KIF7: variants seen among roughly 807,000 people sequenced by gnomAD.
KIF7 encodes kinesin family member 7, also known as kinesin-like protein KIF7.
A neutral mutation model predicts 135.7 loss-of-function variants in KIF7; 104 were observed. The ratio of observed to expected loss-of-function variants is 0.77; its 90% CI spans 0.65 to 0.90. The LOEUF (loss-of-function observed/expected upper bound fraction) is 0.90. Ranked by LOEUF, KIF7 falls within the 40% of genes least tolerant of loss-of-function variation. KIF7 has a pLI of 0.00. For missense variants in KIF7, 2,005 were observed against 1,839.1 expected, an observed-to-expected ratio of 1.09 and a Z score of -1.65; for synonymous variants, 883 against 809.4, an observed-to-expected ratio of 1.09 and a Z score of -1.54.
At position 89,633,149 on chromosome 15, in the gene KIF7, G is replaced by A. The variant is rs1392418047; in HGVS notation, c.2710C>T (p.Gln904Ter). 1.2e-6 allele frequency: 2 copies of A among 1,603,196 alleles called. No individual in the cohort carries two copies. The highest frequency in any genetic ancestry group is 2.2e-5 in the East Asian group (1 of 44,864). ...GSNGSVVSLE[Q>*]QQKIEEQKKW... ...ACACAGCCTGGCCCCACCTGCTGCTGTTCCAGGCTGACCACAGAGCCGTTG... is the reference window on the plus strand; with the variant it reads ...ACACAGCCTGGCCCCACCTGCTGCTATTCCAGGCTGACCACAGAGCCGTTG... The change falls in exon 13 of 19, where the codon CAG (glutamine) becomes TAG (stop). Residue 904 changes from glutamine (Q) to a stop codon, truncating the protein, a stop_gained. Transcript: ENST00000394412. LOFTEE classifies it high-confidence loss of function.
chr15:89,628,679 C>A lies in KIF7; in HGVS notation c.3772G>T (p.Ala1258Ser), dbSNP rs1567056640. The change falls in exon 19 of 19, where the codon GCC becomes TCC. Residue 1258 changes from alanine to serine, a missense_variant. Transcript: ENST00000394412. The stretch of plus-strand genomic sequence containing the variant: ...CGCGTCTCCTCCCGGGTGCGGGGGG[C>A]CCCCTCAGTGAGGGGGGACAGCCAG... ...LLWLSPLTEG[A>S]PRTREETRDL... is the part of the protein sequence containing the mutation. The A allele has an allele frequency of 3.7e-6, 6 of 1,612,826 alleles. No individual in the cohort carries two copies. Among genetic ancestry groups the A allele is most frequent in the Non-Finnish European group, 5.1e-6 (6 of 1,179,818 alleles).
Position 89,631,688 on chromosome 15 carries a change from C to A in KIF7, c.2918G>T (p.Arg973Leu). 1 of 1,555,644 alleles carries A rather than the reference C, an allele frequency of 6.4e-7. No individual in the cohort carries two copies. The highest frequency in any genetic ancestry group is 8.7e-7 in the Non-Finnish European group (1 of 1,148,538). Reference protein sequence around the residue: ...SSQALNEDIVRVSSRLEHLEK... With the variant: ...SSQALNEDIVLVSSRLEHLEK... ...CAGGTGCTCCAGCCGGCTGGACACT[C>A]GCACGATGTCCTCGTTGAGGGCCTG... The change falls in exon 15 of 19, where the codon CGA becomes CTA. Residue 973 changes from arginine to leucine, a missense_variant. By Grantham distance (102) the Arg-to-Leu change is moderately radical. Coordinates refer to ENST00000394412, the MANE Select transcript of KIF7 (RefSeq NM_198525.3).
downstream of KIF7, chr15:89,625,806 C>A (rs760747262): frequency 5.7e-6 from 9 of 1,581,510 alleles, no homozygotes; most frequent in Admixed American, 1.6e-4. Flanking sequence ...TTTTTGAAAC[C>A]CAGTTTCCTC....
At chr15:89,640,940 T>C (rs1057063675) in intron 11 of KIF7, among the ~76,000 whole-genome samples, 1 of 150,224 alleles carries the variant, frequency 6.7e-6, no homozygotes, top group South Asian at 2.1e-4. Context: ...GAGGCGGAGG[T>C]TGCAGTAAGC....
chr15:89,631,968 A>C (rs1192964737), intron 14 of KIF7, among the ~76,000 whole-genome samples: 1 of 152,178 alleles, frequency 6.6e-6, no homozygotes, highest in Non-Finnish European at 1.5e-5. Context: ...CCCTCCTGGC[A>C]AGAACAGGCA....
intron 2 of KIF7, 184 bp from the exon 3 acceptor site, chr15:89,650,125 A>G: frequency 1.6e-6 from 1 of 619,860 alleles, no homozygotes; most frequent in South Asian, 1.9e-5. Context: ...GGTCAGGCAG[A>G]ATTATAAAAT....
rs1964149388 is a variant in KIF7 at position 89,653,007 on chromosome 15, G to T, written c.-24-53C>A. 2.2e-6 allele frequency: 3 copies of T among 1,352,208 alleles called. No individual in the cohort carries two copies. In the African/African-American group the frequency reaches 4.4e-5, roughly 20 times the overall value. The allele number at this position is 1,352,208 out of a possible 1,614,324, so 83.8% of individuals were successfully genotyped here. On this transcript the variant is annotated intron_variant, in intron 1 of 18. Coordinates refer to ENST00000394412, the MANE Select transcript of KIF7 (RefSeq NM_198525.3). ...ATCAGCACTTGTACTCCAGGAGCTG[G>T]ACTCACCCTGCAGGGGACTCGAGCC...
chr15:89,630,693 C>T (rs1963655454), intron 15 of KIF7, 200 bp from the exon 16 acceptor site: 2 of 623,840 alleles, frequency 3.2e-6, no homozygotes, highest in Non-Finnish European at 5.7e-6. Context: ...GGGCACTGCT[C>T]AGAGGTGGCC....
At chr15:89,656,820 CTGT>C (rs1478116800), upstream of KIF7, among the ~76,000 whole-genome samples, 4 of 152,194 alleles carry the variant, frequency 2.6e-5, no homozygotes, top group Non-Finnish European at 5.9e-5. Context: ...TAGAATGACA[CTGT>C]TGTTCCCAAA....
downstream of KIF7, among the ~76,000 whole-genome samples, chr15:89,626,246 G>T (rs188685599): frequency 1.6e-3 from 244 of 152,316 alleles, 1 homozygote; most frequent in African/African-American, 5.6e-3. Context: ...GTGTGCATGT[G>T]AACAGAAGCC....
rs933513393 is a variant in KIF7 at position 89,630,734 on chromosome 15, A to G, written c.3112-241T>C. The G allele has an allele frequency of 1.4e-5, 8 of 582,062 alleles. No individual in the cohort carries two copies. The African/African-American group carries it at 1.5e-4, about 11-fold the overall frequency. 36.1% of individuals were successfully genotyped at this position (582,062 alleles called of 1,614,324 possible). A position where few individuals can be genotyped will look rare whatever the true frequency, so the allele number is the denominator to read the frequency against. ...AACTGCAAGCCTCTGTGAATGATCT[A>G]CATTCAGGAAGTTCAGAGCACCCTA... On this transcript the variant is annotated intron_variant, in intron 15 of 18. Coordinates refer to ENST00000394412, the MANE Select transcript of KIF7 (RefSeq NM_198525.3).
downstream of KIF7, chr15:89,624,000 T>G: frequency 1.2e-6 from 2 of 1,613,862 alleles, no homozygotes; most frequent in South Asian, 2.2e-5. Flanking sequence ...CCCCTCCAAC[T>G]TCATCGACTG....
At chr15:89,653,265 A>G (rs1250106320) in intron 1 of KIF7, among the ~76,000 whole-genome samples, 2 of 152,176 alleles carry the variant, frequency 1.3e-5, no homozygotes, top group Non-Finnish European at 2.9e-5. Flanking sequence ...AGAAGAACGC[A>G]CACACACAGC....
At chr15:89,636,823 G>A (rs1233529095) in intron 11 of KIF7, among the ~76,000 whole-genome samples, 1 of 147,890 alleles carries the variant, frequency 6.8e-6, no homozygotes, top group African/African-American at 2.5e-5. Context: ...TCTGCACCAA[G>A]CGGACCTAAT....
At chr15:89,630,660 GC>G in intron 15 of KIF7, 167 bp from the exon 16 acceptor site, 1 of 679,168 alleles carries the variant, frequency 1.5e-6, no homozygotes. Context: ...CACTGTCACA[GC>G]CCCAACCCCA....
intron 2 of KIF7, among the ~76,000 whole-genome samples, chr15:89,650,786 G>T (rs1175945790): frequency 6.6e-6 from 1 of 151,792 alleles, no homozygotes; most frequent in Non-Finnish European, 1.5e-5. Context: ...TGTTGCCCAG[G>T]CTGGTCTCCC....
chr15:89,618,356 A>G (rs537119966), intron 1 of KIF7: 245 of 742,872 alleles, frequency 3.3e-4, no homozygotes, highest in Non-Finnish European at 4.8e-4. Context: ...GTAAATATTT[A>G]TAAGTGAATG....
chr15:89,634,020 C>A, intron 11 of KIF7, 137 bp from the exon 12 acceptor site: 3 of 912,688 alleles, frequency 3.3e-6, no homozygotes, highest in Non-Finnish European at 5.2e-6. Context: ...TAACAGAGGC[C>A]GGGTGCGGTG....
intron 9 of KIF7, 43 bp downstream of exon 9, chr15:89,645,293 G>A (rs1362277432): frequency 6.3e-7 from 1 of 1,599,518 alleles, no homozygotes; most frequent in Non-Finnish European, 8.6e-7. Flanking sequence ...AACCGTGGAG[G>A]GGCAGTGGGG....
Sources: allele counts gnomAD v4.1 joint callset (sites outside exome capture counted in the v4.1 genomes callset), GRCh38; gene constraint gnomAD v4.1.1; transcripts MANE v1.5; gene names NCBI Gene and HGNC (gene_info 2026-07-23, HGNC 2026-07-21).